COMMD10: variants seen among roughly 807,000 people sequenced by gnomAD.
COMMD10 encodes COMM domain containing 10.
In COMMD10, 33 loss-of-function variants were observed where a neutral mutation model predicts 28.9. The observed-to-expected ratio is 1.14, with a 90% confidence interval of 0.87 to 1.53. The LOEUF is 1.53. Ranked by LOEUF, COMMD10 falls within the 40% of genes most tolerant of loss-of-function variation. The pLI, the probability that COMMD10 is intolerant of heterozygous loss-of-function variation, is 0.00. For missense variants in COMMD10, 310 were observed against 233.4 expected, an observed-to-expected ratio of 1.33 and a Z score of -2.14; for synonymous variants, 110 against 81.7, an observed-to-expected ratio of 1.35 and a Z score of -1.87.
chr5:116,239,945 C>T (rs558102702), intron 5 of COMMD10, among the ~76,000 whole-genome samples: 3 of 152,058 alleles, frequency 2.0e-5, no homozygotes, highest in African/African-American at 4.8e-5. Flanking sequence ...TCACTCCCCC[C>T]CAAGGAGAGT....
At chr5:116,206,065 A>G (rs933458441) in intron 5 of COMMD10, among the ~76,000 whole-genome samples, 1 of 152,180 alleles carries the variant, frequency 6.6e-6, no homozygotes, top group African/African-American at 2.4e-5. Context: ...TGTTTTCTGA[A>G]ATTATTAGCT....
intron 4 of COMMD10, among the ~76,000 whole-genome samples, chr5:116,113,987 C>T (rs575485386): frequency 6.6e-6 from 1 of 151,310 alleles, no homozygotes; most frequent in East Asian, 1.9e-4. Context: ...AGTAGGGCCA[C>T]TTGTTTTTAT....
At position 116,091,062 on chromosome 5, in the gene COMMD10, TGCTATTTGTATTATAG is replaced by T. The variant is rs1561594795; in HGVS notation, c.133-13_135del. 1 of 1,481,274 alleles carries T rather than the reference TGCTATTTGTATTATAG, an allele frequency of 6.8e-7. No individual in the cohort carries two copies. The allele number at this position is 1,481,274 out of a possible 1,614,324, so 91.8% of individuals were successfully genotyped here. Reference sequence around the variant, plus strand: ...CTGAATATGTGCTAATATAATAGATTGCTATTTGTATTATAGGCTGAGAGCAGTTTCAGTGAAGAAG... The same window carrying T: ...CTGAATATGTGCTAATATAATAGATTGCTGAGAGCAGTTTCAGTGAAGAAG... On this transcript the variant is annotated splice_acceptor_variant and splice_polypyrimidine_tract_variant and intron_variant, in intron 2 of 6. Transcript: ENST00000274458. LOFTEE classifies it high-confidence loss of function.
chr5:116,105,011 G>C (rs1561602596), intron 4 of COMMD10, among the ~76,000 whole-genome samples: 1 of 152,220 alleles, frequency 6.6e-6, no homozygotes, highest in East Asian at 1.9e-4. Context: ...GGAGTGGTGA[G>C]AGAGGGCATC....
chr5:116,173,808 C>T (rs1035871691), intron 5 of COMMD10, among the ~76,000 whole-genome samples: 2 of 148,724 alleles, frequency 1.3e-5, no homozygotes, highest in Non-Finnish European at 3.0e-5. Context: ...CATTTTTTTT[C>T]CAACTGTTTT....
chr5:116,211,586 A>G (rs1257227529), intron 5 of COMMD10, among the ~76,000 whole-genome samples: 1 of 152,090 alleles, frequency 6.6e-6, no homozygotes. Flanking sequence ...GACTATATAT[A>G]TATTTGTCAC....
chr5:116,242,513 G>A (rs560618200), intron 5 of COMMD10, among the ~76,000 whole-genome samples: 1 of 152,160 alleles, frequency 6.6e-6, no homozygotes, highest in South Asian at 2.1e-4. Flanking sequence ...GAGAACTGGG[G>A]TTTAGATTGA....
chr5:116,288,378 G>A (rs1270608093), intron 5 of COMMD10, among the ~76,000 whole-genome samples: 2 of 151,836 alleles, frequency 1.3e-5, no homozygotes, highest in African/African-American at 2.4e-5. Context: ...TTAAGTTTCT[G>A]TCTTTGACTT....
At position 116,203,457 on chromosome 5, in the gene COMMD10, A is replaced by C. The variant is rs141349507; in HGVS notation, c.510+69279A>C. ...TAATTGTCACATTCACCAAAGTTGCAATGAAGGAAAAAATGTTAAGGGCAG... is the reference window on the plus strand; with the variant it reads ...TAATTGTCACATTCACCAAAGTTGCCATGAAGGAAAAAATGTTAAGGGCAG... On this transcript the variant is annotated intron_variant, in intron 5 of 6. Transcript: ENST00000274458. Among the ~76,000 whole-genome samples the C allele has an allele frequency of 7.2e-3, 1,089 of 152,224 alleles. 17 individuals carry two copies. Among genetic ancestry groups the C allele is most frequent in the African/African-American group, 0.025 (1,044 of 41,546 alleles).
At chr5:116,249,870 A>T (rs976685844) in intron 5 of COMMD10, among the ~76,000 whole-genome samples, 10 of 151,930 alleles carry the variant, frequency 6.6e-5, no homozygotes, top group African/African-American at 2.4e-4. Flanking sequence ...CAACAATGAC[A>T]GTAAAGTAAT....
intron 4 of COMMD10, among the ~76,000 whole-genome samples, chr5:116,125,108 G>A (rs1461791510): frequency 6.6e-6 from 1 of 152,088 alleles, no homozygotes; most frequent in Non-Finnish European, 1.5e-5. Flanking sequence ...GATGTTACCT[G>A]GTTATTTTCC....
chr5:116,237,626 G>A (rs1289738577), intron 5 of COMMD10, among the ~76,000 whole-genome samples: 6 of 152,046 alleles, frequency 3.9e-5, no homozygotes, highest in South Asian at 2.1e-4. Context: ...CCTGGGCAAC[G>A]TATTGAGACC....
rs188567574 is a variant in COMMD10 at position 116,280,173 on chromosome 5, G to A, written c.511-11344G>A. 6.2e-3 allele frequency among the ~76,000 whole-genome samples: 941 copies of A among 151,952 alleles called. 5 individuals are homozygous for A. Among genetic ancestry groups the A allele is most frequent in the Non-Finnish European group, 9.9e-3 (675 of 68,000 alleles). ...TGAAGTGTTTTGTTACTGACATTTC[G>A]TGGTTCTACCTACTTCCATTCACTA... On this transcript the variant is annotated intron_variant, in intron 5 of 6. Coordinates refer to ENST00000274458, the MANE Select transcript of COMMD10 (RefSeq NM_016144.4).
chr5:116,256,956 G>C (rs760507874), intron 5 of COMMD10, among the ~76,000 whole-genome samples: 13 of 151,672 alleles, frequency 8.6e-5, no homozygotes, highest in Non-Finnish European at 1.6e-4. Context: ...GTACTTAACA[G>C]TGAAAAAAAT....
At chr5:116,094,927 A>T (rs978013889) in intron 4 of COMMD10, among the ~76,000 whole-genome samples, 30 of 152,332 alleles carry the variant, frequency 2.0e-4, no homozygotes, top group African/African-American at 7.0e-4. Context: ...ACAGACAAAT[A>T]TAACAGGCAC....
chr5:116,182,727 A>T (rs1199021787), intron 5 of COMMD10, among the ~76,000 whole-genome samples: 3 of 152,122 alleles, frequency 2.0e-5, no homozygotes, highest in Non-Finnish European at 4.4e-5. Context: ...GGAAAAAATC[A>T]GGTTGTCCAG....
chr5:116,260,077 A>T (rs1359957179), intron 5 of COMMD10, among the ~76,000 whole-genome samples: 1 of 151,726 alleles, frequency 6.6e-6, no homozygotes, highest in Non-Finnish European at 1.5e-5. Flanking sequence ...AATATATTTT[A>T]TATGGAATTT....
chr5:116,200,748 C>A (rs1057198588), intron 5 of COMMD10, among the ~76,000 whole-genome samples: 1 of 152,000 alleles, frequency 6.6e-6, no homozygotes, highest in South Asian at 2.1e-4. Flanking sequence ...TGGTCTCTAG[C>A]ATTTCTTTTG....
chr5:116,180,637 A>C lies in COMMD10; in HGVS notation c.510+46459A>C, dbSNP rs1580526190. ...CTCTTTTTGTGACCTTCAATCTTAA[A>C]AGTTTATTTGAAAAACGAATTTAGT... is the stretch of plus-strand genomic sequence containing the variant. On this transcript the variant is annotated intron_variant, in intron 5 of 6. Coordinates refer to ENST00000274458, the MANE Select transcript of COMMD10 (RefSeq NM_016144.4). Among the ~76,000 whole-genome samples, 5 of 152,192 alleles carry C rather than the reference A, an allele frequency of 3.3e-5. 1 individual carries two copies. Among genetic ancestry groups the C allele is most frequent in the Admixed American group, 3.3e-4 (5 of 15,262 alleles).
Sources: gnomAD v4.1 joint callset for allele counts (sites outside exome capture counted in the v4.1 genomes callset) on GRCh38, gnomAD v4.1.1 for gene constraint, MANE v1.5 for transcripts, NCBI Gene and HGNC (gene_info 2026-07-23, HGNC 2026-07-21) for gene names.